The following DNAH12 variants were observed in gnomAD, a reference collection of about 807,000 sequenced individuals.
The protein encoded by DNAH12 is axonemal beta dynein heavy chain 12.
A neutral mutation model predicts 371.5 loss-of-function variants in DNAH12; 285 were observed. That is an observed-to-expected ratio of 0.77 (90% CI 0.70 to 0.85). DNAH12 has a LOEUF of 0.85. Ranked by LOEUF, DNAH12 falls within the 40% of genes least tolerant of loss-of-function variation. DNAH12 has a pLI of 0.00. For synonymous variants in DNAH12, 1,200 were observed against 1,213.0 expected, an observed-to-expected ratio of 0.99 and a Z score of 0.22; for missense variants, 3,611 against 3,689.4, an observed-to-expected ratio of 0.98 and a Z score of 0.55.
chr3:57,294,468 C>T (rs1162601209), intron 73 of DNAH12, among the ~76,000 whole-genome samples: 8 of 152,136 alleles, frequency 5.3e-5, no homozygotes, highest in African/African-American at 1.4e-4. Context: ...AGCCACTGCG[C>T]CCAGCCCAAG....
intron 19 of DNAH12, 65 bp downstream of exon 19, chr3:57,461,424 G>A: frequency 1.4e-6 from 2 of 1,444,030 alleles, no homozygotes; most frequent in South Asian, 1.2e-5. Context: ...TACCATGAGA[G>A]CGTATATGTA....
intron 29 of DNAH12, among the ~76,000 whole-genome samples, chr3:57,438,669 C>A (rs1235300768): frequency 2.0e-5 from 3 of 151,990 alleles, no homozygotes; most frequent in Admixed American, 6.6e-5. Context: ...AGAATGCAAT[C>A]CGGCCGGGCG....
chr3:57,348,543 A>C (rs1387491937), intron 60 of DNAH12, among the ~76,000 whole-genome samples: 1 of 152,204 alleles, frequency 6.6e-6, no homozygotes, highest in Non-Finnish European at 1.5e-5. Context: ...GATGCTAACA[A>C]ATATATCACT....
At chr3:57,353,215 A>G (rs2062723573) in intron 59 of DNAH12, among the ~76,000 whole-genome samples, 1 of 152,164 alleles carries the variant, frequency 6.6e-6, no homozygotes, top group Non-Finnish European at 1.5e-5. Flanking sequence ...ATGGCTTTCA[A>G]TTTTTTTCAG....
At chr3:57,398,665 T>G (rs1241802831) in intron 43 of DNAH12, among the ~76,000 whole-genome samples, 1 of 152,168 alleles carries the variant, frequency 6.6e-6, no homozygotes, top group Non-Finnish European at 1.5e-5. Context: ...TGCAGAAAGA[T>G]AAAAACCTGT....
chr3:57,422,963 A>C (rs185032125), intron 35 of DNAH12, among the ~76,000 whole-genome samples: 1 of 152,340 alleles, frequency 6.6e-6, no homozygotes, highest in East Asian at 1.9e-4. Flanking sequence ...AATGTATGCT[A>C]ATGTATTTAA....
At chr3:57,370,255 A>C (rs919540731) in intron 55 of DNAH12, among the ~76,000 whole-genome samples, 1 of 152,222 alleles carries the variant, frequency 6.6e-6, no homozygotes, top group African/African-American at 2.4e-5. Flanking sequence ...TGTTTTCATC[A>C]TGGTTGAAAC....
At chr3:57,449,464 C>A (rs183592469) in intron 25 of DNAH12, among the ~76,000 whole-genome samples, 1 of 152,180 alleles carries the variant, frequency 6.6e-6, no homozygotes, top group Admixed American at 6.5e-5. Context: ...TCAGGCATGG[C>A]GGGCTGCAGG....
chr3:57,399,384 C>A (rs927763202), intron 43 of DNAH12, among the ~76,000 whole-genome samples: 3 of 150,950 alleles, frequency 2.0e-5, no homozygotes, highest in African/African-American at 7.3e-5. Flanking sequence ...CATAGAGTGG[C>A]CAAATGGATT....
intron 29 of DNAH12, among the ~76,000 whole-genome samples, chr3:57,439,964 A>G (rs1461611188): frequency 6.6e-6 from 1 of 152,254 alleles, no homozygotes; most frequent in Non-Finnish European, 1.5e-5. Context: ...ATGCAAATCA[A>G]AAATACAATG....
intron 25 of DNAH12, among the ~76,000 whole-genome samples, chr3:57,450,811 G>T (rs1016812962): frequency 1.3e-5 from 2 of 152,244 alleles, no homozygotes; most frequent in African/African-American, 4.8e-5. Flanking sequence ...ATCCATTGTT[G>T]CCCTACCCAG....
chr3:57,316,744 T>G (rs1170404406), intron 65 of DNAH12, among the ~76,000 whole-genome samples: 1 of 152,146 alleles, frequency 6.6e-6, no homozygotes, highest in Non-Finnish European at 1.5e-5. Flanking sequence ...TCCGATGGTT[T>G]TATAAGTGTT....
At chr3:57,321,465 A>G (rs912018504) in intron 65 of DNAH12, among the ~76,000 whole-genome samples, 13 of 152,186 alleles carry the variant, frequency 8.5e-5, no homozygotes, top group African/African-American at 3.1e-4. Context: ...TCATGTGCCC[A>G]ATTAATAATG....
At chr3:57,407,899 G>A (rs1448850440) in intron 40 of DNAH12, among the ~76,000 whole-genome samples, 1 of 152,150 alleles carries the variant, frequency 6.6e-6, no homozygotes, top group Non-Finnish European at 1.5e-5. Flanking sequence ...CAAAATGGGA[G>A]GGAAGATAGA....
chr3:57,547,028 C>T (rs746860152), upstream of DNAH12, among the ~76,000 whole-genome samples: 2 of 151,886 alleles, frequency 1.3e-5, no homozygotes, highest in African/African-American at 2.4e-5. Flanking sequence ...GATGGGCATG[C>T]CCTGAGTCAA....
At chr3:57,433,341 C>G in intron 32 of DNAH12, 26 bp downstream of exon 32, 1 of 1,539,654 alleles carries the variant, frequency 6.5e-7, no homozygotes, top group Non-Finnish European at 8.8e-7. Flanking sequence ...ATGGCTGAAT[C>G]TGCTTCTCTT....
chr3:57,505,739 C>G (rs577586466), intron 8 of DNAH12, among the ~76,000 whole-genome samples: 1 of 151,810 alleles, frequency 6.6e-6, no homozygotes, highest in Admixed American at 6.6e-5. Context: ...CTGCGCCGAG[C>G]CTGTTTCTGT....
intron 17 of DNAH12, among the ~76,000 whole-genome samples, chr3:57,468,229 A>T (rs912877758): frequency 6.6e-6 from 1 of 152,172 alleles, no homozygotes; most frequent in Non-Finnish European, 1.5e-5. Flanking sequence ...CATTAGCCAA[A>T]GGGGAAGAAA....
At chr3:57,494,213 C>A (rs1009199124) in intron 11 of DNAH12, among the ~76,000 whole-genome samples, 1 of 152,050 alleles carries the variant, frequency 6.6e-6, no homozygotes, top group Non-Finnish European at 1.5e-5. Context: ...GTCTGGATAA[C>A]AGAGTGAGAC....
Sources: allele counts gnomAD v4.1 joint callset (sites outside exome capture counted in the v4.1 genomes callset), GRCh38; gene constraint gnomAD v4.1.1; transcripts MANE v1.5; gene names NCBI Gene and HGNC (gene_info 2026-07-23, HGNC 2026-07-21).